Variants in DDR1 observed in about 807,000 individuals in gnomAD.
DDR1 encodes the protein epithelial discoidin domain-containing receptor 1.
In DDR1, 64 loss-of-function variants were observed where a neutral mutation model predicts 97.4. The observed-to-expected ratio is 0.66, with a 90% CI of 0.54 to 0.81. DDR1 has a LOEUF of 0.81. DDR1 is among the 30% of genes least tolerant of loss of function. The pLI is 0.00. For synonymous variants in DDR1, 458 were observed against 503.7 expected, an observed-to-expected ratio of 0.91 and a Z score of 1.21; for missense variants, 990 against 1,259.6, an observed-to-expected ratio of 0.79 and a Z score of 3.24.
rs760902924 is a variant in DDR1 at position 30,891,478 on chromosome 6, G to A, written c.664G>A (p.Gly222Arg). The A allele has an allele frequency of 5.0e-6, 8 of 1,610,794 alleles. No homozygotes were observed. The highest frequency in any genetic ancestry group is 4.5e-5 in the East Asian group (2 of 44,834). The stretch of plus-strand genomic sequence containing the variant: ...CACCTATGACGGACATACCGTGGGC[G>A]GGTAAGAAAGGCCCCTGCAGGATAT... ...DSTYDGHTVG[G>R]LQYGGLGQLA... Residue 222 changes from glycine to arginine, a missense_variant and splice_region_variant, in exon 6 of 18, where the codon GGA (glycine) becomes AGA (arginine). Gly to Arg is a moderately radical substitution (Grantham distance 125). Transcript: ENST00000376568. This position sits in a 1 kb window ranked among gnomAD's most constrained non-coding sequence, Gnocchi z 5.3.
chr6:30,885,144 A>G (rs1785313059), intron 1 of DDR1: 1 of 1,490,472 alleles, frequency 6.7e-7, no homozygotes, highest in Admixed American at 2.0e-5. Context: ...TCCAGCAAAA[A>G]GAGGGACTGC....
At chr6:30,898,799 G>T in intron 16 of DDR1, 89 bp from the exon 17 acceptor site, 1 of 1,432,032 alleles carries the variant, frequency 7.0e-7, no homozygotes, top group Non-Finnish European at 9.6e-7. Flanking sequence ...GTGGAGCCCA[G>T]AGTGGATCTG....
rs1281274928 is a variant in DDR1, at chr6:30,897,577, T to C, written c.2196T>C (p.Ala732=). 2 of 1,612,050 alleles carry C rather than the reference T, an allele frequency of 1.2e-6. No individual in the cohort carries two copies. The highest frequency in any genetic ancestry group is 2.2e-5 in the East Asian group (1 of 44,852). The change falls in exon 15 of 18, where the codon GCT becomes GCC. Residue 732 remains alanine, a synonymous_variant. Transcript: ENST00000376568. The surrounding 1 kb of genome is among the most constrained non-coding windows in gnomAD (Gnocchi z 5.2). ...AAEGAPGDGQ[A]AQGPTISYPM... is the part of the protein sequence containing the mutation. ...AGGGGGCCCCTGGGGACGGGCAGGC[T>C]GCGCAGGGGCCCACCATCAGGTACC... is the stretch of plus-strand genomic sequence containing the variant.
At chr6:30,893,490 T>C (rs1237928418) in intron 10 of DDR1, 67 bp downstream of exon 10, 8 of 1,541,152 alleles carry the variant, frequency 5.2e-6, no homozygotes, top group Non-Finnish European at 7.0e-6. Context: ...CAGCGTCCAG[T>C]GGGACCTGCA....
rs1788434924 is a variant in DDR1 at position 30,891,715 on chromosome 6, A to G, written c.665+236A>G. ...AAAAGGCACCCCTTTGCTAACACAC[A>G]TTGTTGGAAATTGCTGCAATAAATA... On this transcript the variant is annotated intron_variant, in intron 6 of 17. Coordinates refer to ENST00000376568, the MANE Select transcript of DDR1 (RefSeq NM_001297654.2). The surrounding 1 kb of genome is among the most constrained non-coding windows in gnomAD (Gnocchi z 5.3). 6.6e-6 allele frequency among the ~76,000 whole-genome samples: 1 copy of G among 152,120 alleles called. No individual in the cohort carries two copies. The highest frequency in any genetic ancestry group is 2.1e-4 in the South Asian group (1 of 4,830).
rs375545239 is a variant in DDR1, at chr6:30,891,558, A to AGT, written c.665+80_665+81insTG. ...GTGTGTGTGTGTGTGTGTGTGTGTG[A>AGT]GAGTGTGTGTGTGTAGGGGGGCTGG... On this transcript the variant is annotated intron_variant, in intron 6 of 17. Coordinates refer to ENST00000376568, the MANE Select transcript of DDR1 (RefSeq NM_001297654.2). The surrounding 1 kb of genome is among the most constrained non-coding windows in gnomAD (Gnocchi z 5.3). The AGT allele has an allele frequency of 1.0e-5, 9 of 895,056 alleles. No homozygotes were observed. Among genetic ancestry groups the AGT allele is most frequent in the East Asian group, 2.6e-5 (1 of 38,810 alleles). 55.4% of individuals were successfully genotyped at this position (895,056 alleles called of 1,614,324 possible). A position where few individuals can be genotyped will look rare whatever the true frequency, so the allele number is the denominator to read the frequency against.
rs748049405 is a variant in DDR1, at chr6:30,897,476, A to G, written c.2095A>G (p.Met699Val). 3.7e-6 allele frequency: 6 copies of G among 1,614,148 alleles called. No individual in the cohort carries two copies. Among genetic ancestry groups the G allele is most frequent in the Non-Finnish European group, 5.1e-6 (6 of 1,180,006 alleles). Residue 699 changes from methionine (M) to valine (V), a missense_variant, in exon 15 of 18, where the codon ATG (methionine) becomes GTG (valine). Coordinates refer to ENST00000376568, the MANE Select transcript of DDR1 (RefSeq NM_001297654.2). This position sits in a 1 kb window ranked among gnomAD's most constrained non-coding sequence, Gnocchi z 5.2. Reference sequence around the variant, plus strand: ...GTGTGTGCAGGACGACCCCCTCTGCATGATTACTGACTACATGGAGAACGG... The same window carrying G: ...GTGTGTGCAGGACGACCCCCTCTGCGTGATTACTGACTACATGGAGAACGG... ...GVCVQDDPLC[M>V]ITDYMENGDL...
rs1787279210 is a variant in DDR1, at chr6:30,889,634, G to A, written c.417+204G>A. On this transcript the variant is annotated intron_variant, in intron 4 of 17. Transcript: ENST00000376568. This position sits in a 1 kb window ranked among gnomAD's most constrained non-coding sequence, Gnocchi z 4.9. Reference sequence around the variant, plus strand: ...GTCTTTTTTTTTTTTTCTAATAGATGGGGTCTTGCTGTGTTGCCCAGGCTG... The same window carrying A: ...GTCTTTTTTTTTTTTTCTAATAGATAGGGTCTTGCTGTGTTGCCCAGGCTG... Among the ~76,000 whole-genome samples the A allele has an allele frequency of 6.7e-6, 1 of 150,218 alleles. No individual in the cohort carries two copies. The highest frequency in any genetic ancestry group is 1.5e-5 in the Non-Finnish European group (1 of 67,670).
intron 12 of DDR1, 63 bp from the exon 13 acceptor site, chr6:30,896,558 G>A: frequency 6.4e-7 from 1 of 1,552,962 alleles, no homozygotes; most frequent in South Asian, 1.2e-5. Context: ...GAGGTGTGGG[G>A]AACTATAGCT....
At chr6:30,881,858 C>A, upstream of DDR1, 1 of 153,012 alleles carries the variant, frequency 6.5e-6, no homozygotes. Flanking sequence ...CATCAGCCTC[C>A]TCTCCCTCTT....
In DDR1 at chr6:30,894,357, C is replaced by T. The variant is rs1789877932; in HGVS notation, c.1348-149C>T. 1.5e-6 allele frequency: 1 copy of T among 646,036 alleles called. No individual in the cohort carries two copies. The highest frequency in any genetic ancestry group is 3.2e-5 in the East Asian group (1 of 30,952). 40.0% of individuals were successfully genotyped at this position (646,036 alleles called of 1,614,324 possible). A position where few individuals can be genotyped will look rare whatever the true frequency, so the allele number is the denominator to read the frequency against. On this transcript the variant is annotated intron_variant, in intron 10 of 17. Coordinates refer to ENST00000376568, the MANE Select transcript of DDR1 (RefSeq NM_001297654.2). This position sits in a 1 kb window ranked among gnomAD's most constrained non-coding sequence, Gnocchi z 5.7. ...GTTACCTCCATGCTCTTGAGCTTCACTTTCTCTGCCTGTAAGATGGTGCTG... is the reference window on the plus strand; with the variant it reads ...GTTACCTCCATGCTCTTGAGCTTCATTTTCTCTGCCTGTAAGATGGTGCTG...
rs770312033 is a variant in DDR1, at chr6:30,891,349, C to A, written c.566-31C>A. ...GGGATGGGGGATGGAGCCTTAGTGC[C>A]TCTGACCCCCATCCTCTCACCCTGC... On this transcript the variant is annotated intron_variant, in intron 5 of 17. Coordinates refer to ENST00000376568, the MANE Select transcript of DDR1 (RefSeq NM_001297654.2). The surrounding 1 kb of genome is among the most constrained non-coding windows in gnomAD (Gnocchi z 5.3). 2 of 1,574,332 alleles carry A rather than the reference C, an allele frequency of 1.3e-6. No homozygotes were observed.
In DDR1 at chr6:30,889,743, A is replaced by G. The variant is rs1787326035; in HGVS notation, c.417+313A>G. On this transcript the variant is annotated intron_variant, in intron 4 of 17. Transcript: ENST00000376568. This position sits in a 1 kb window ranked among gnomAD's most constrained non-coding sequence, Gnocchi z 4.9. Reference sequence around the variant, plus strand: ...ACAAGCACTGTAGCCAGCCACCTAGATGTCTAATAGGCATCTCAAACGTAC... The same window carrying G: ...ACAAGCACTGTAGCCAGCCACCTAGGTGTCTAATAGGCATCTCAAACGTAC... 6.6e-6 allele frequency among the ~76,000 whole-genome samples: 1 copy of G among 151,704 alleles called. No homozygotes were observed. The highest frequency in any genetic ancestry group is 1.5e-5 in the Non-Finnish European group (1 of 67,924).
chr6:30,897,302 G>T lies in DDR1; in HGVS notation c.1998-77G>T. On this transcript the variant is annotated intron_variant, in intron 14 of 17. Coordinates refer to ENST00000376568, the MANE Select transcript of DDR1 (RefSeq NM_001297654.2). This position sits in a 1 kb window ranked among gnomAD's most constrained non-coding sequence, Gnocchi z 5.2. ...GGGACGCCTGGTCTGCCTGAGGTGG[G>T]GCAGGGGGGTGGGGGCGCGGGGGAA... The T allele has an allele frequency of 6.8e-7, 1 of 1,470,704 alleles. No individual in the cohort carries two copies. The highest frequency in any genetic ancestry group is 9.2e-7 in the Non-Finnish European group (1 of 1,086,514). 91.1% of individuals were successfully genotyped at this position (1,470,704 alleles called of 1,614,324 possible). A position where few individuals can be genotyped will look rare whatever the true frequency, so the allele number is the denominator to read the frequency against.
rs1052180640 is a variant in DDR1, at chr6:30,892,997, C to T, written c.1100-71C>T. On this transcript the variant is annotated intron_variant, in intron 8 of 17. Coordinates refer to ENST00000376568, the MANE Select transcript of DDR1 (RefSeq NM_001297654.2). ...TGCTTCTGCTCCTTTGCACAACAGT[C>T]CACTGCCTCTGCCTCCCTTGGGTCT... is the stretch of plus-strand genomic sequence containing the variant. The T allele has an allele frequency of 1.4e-5, 18 of 1,323,258 alleles. No individual in the cohort carries two copies. In the African/African-American group the frequency reaches 2.6e-4, roughly 19 times the overall value. 82.0% of individuals were successfully genotyped at this position (1,323,258 alleles called of 1,614,324 possible).
intron 1 of DDR1, chr6:30,887,099 G>T (rs1248901840): frequency 2.0e-5 from 3 of 152,130 alleles, no homozygotes; most frequent in Non-Finnish European, 4.4e-5. Context: ...CCTGGGCCTA[G>T]AGGGCTATAG....
Position 30,891,930 on chromosome 6 carries a change from C to T in DDR1, c.666-72C>T, listed in dbSNP as rs1322721542. 14 of 1,544,444 alleles carry T rather than the reference C, an allele frequency of 9.1e-6. No individual in the cohort carries two copies. The highest frequency in any genetic ancestry group is 2.3e-4 in the Middle Eastern group (1 of 4,378). ...GCCATGCCACTGTGCCGGAGGGTGG[C>T]GGAGCAGAATGCCTGGATGTCAAGA... On this transcript the variant is annotated intron_variant, in intron 6 of 17. Transcript: ENST00000376568. This position sits in a 1 kb window ranked among gnomAD's most constrained non-coding sequence, Gnocchi z 5.3.
chr6:30,898,656 G>T (rs1791827153), intron 16 of DDR1, among the ~76,000 whole-genome samples: 2 of 152,162 alleles, frequency 1.3e-5, no homozygotes, highest in Admixed American at 1.3e-4. Context: ...GGAGCAGAAG[G>T]AAGAGGTGGG....
intron 1 of DDR1, chr6:30,885,124 C>A: frequency 7.1e-7 from 1 of 1,414,898 alleles, no homozygotes; most frequent in Non-Finnish European, 9.6e-7. Flanking sequence ...GTTGGTCAGT[C>A]TGGTCACAGT....
Sources: gnomAD v4.1 joint callset for allele counts (sites outside exome capture counted in the v4.1 genomes callset) on GRCh38, gnomAD v4.1.1 for gene constraint, Gnocchi (gnomAD v3.1) non-coding constraint, MANE v1.5 for transcripts, NCBI Gene and HGNC (gene_info 2026-07-23, HGNC 2026-07-21) for gene names.